PIK3R2: variants seen among roughly 807,000 people sequenced by gnomAD.
PIK3R2 encodes the protein phosphoinositide-3-kinase regulatory subunit 2, also known as phosphatidylinositol 3-kinase regulatory subunit beta.
PIK3R2 carries 40 observed loss-of-function variants against 78.5 expected under a neutral mutation model. That is an observed-to-expected ratio of 0.51 (90% CI 0.40 to 0.66). PIK3R2 has a LOEUF of 0.66. PIK3R2 is among the 30% of genes least tolerant of loss of function. The pLI is 0.00. For synonymous variants in PIK3R2, 473 were observed against 457.7 expected, an observed-to-expected ratio of 1.03 and a Z score of -0.43; for missense variants, 880 against 1,026.6, an observed-to-expected ratio of 0.86 and a Z score of 1.95.
Position 18,168,691 on chromosome 19 carries a change from ACCAGGGC to A in PIK3R2, c.1809-32_1809-26del. ...AGCCTCGGAGGCTGGCAGGTGAGTG[ACCAGGGC>A]CCTCCCCGCCACCGCCCCCCACCCC... On this transcript the variant is annotated intron_variant, in intron 14 of 15. Coordinates refer to ENST00000222254, the MANE Select transcript of PIK3R2 (RefSeq NM_005027.4). The surrounding 1 kb of genome is among the most constrained non-coding windows in gnomAD (Gnocchi z 4.1). 6.4e-7 allele frequency: 1 copy of A among 1,551,450 alleles called. No individual in the cohort carries two copies. Among genetic ancestry groups the A allele is most frequent in the Non-Finnish European group, 8.9e-7 (1 of 1,125,274 alleles).
chr19:18,154,485 G>A (rs2043657313), intron 1 of PIK3R2, among the ~76,000 whole-genome samples: 3 of 152,164 alleles, frequency 2.0e-5, no homozygotes, highest in African/African-American at 7.2e-5. Flanking sequence ...AGGTCCATTT[G>A]CTTGGACTCA....
rs1329780383 is a variant in PIK3R2 at position 18,162,447 on chromosome 19, C to T, written c.1050C>T (p.Gly350=). ...AGAAACTCCGGGACACTCCCGATGG[C>T]ACCTTCCTAGTCCGAGATGCTTCTA... ...VNEKLRDTPD[G]TFLVRDASSK... The change falls in exon 9 of 16, where the codon GGC becomes GGT. Residue 350 remains glycine (G), a synonymous_variant. Coordinates refer to ENST00000222254, the MANE Select transcript of PIK3R2 (RefSeq NM_005027.4). 6.2e-7 allele frequency: 1 copy of T among 1,613,604 alleles called. No homozygotes were observed. The highest frequency in any genetic ancestry group is 2.2e-5 in the East Asian group (1 of 44,884).
At position 18,155,540 on chromosome 19, in the gene PIK3R2, T is replaced by C. The variant is rs926020247; in HGVS notation, c.-340T>C. 8.9e-6 allele frequency: 4 copies of C among 447,714 alleles called. No homozygotes were observed. Among genetic ancestry groups the C allele is most frequent in the Admixed American group, 8.3e-5 (2 of 24,168 alleles). 27.7% of individuals were successfully genotyped at this position (447,714 alleles called of 1,614,324 possible). ...GGTGCAGCCAGCAGAGCCGCCAGCC[T>C]TGGGCGCCCATGGCCCTCCGTGTGA... On this transcript the variant is annotated 5_prime_UTR_variant, in exon 2 of 16. Transcript: ENST00000222254.
At chr19:18,160,655 C>A in intron 3 of PIK3R2, 92 bp downstream of exon 3, 3 of 1,075,482 alleles carry the variant, frequency 2.8e-6, no homozygotes, top group Non-Finnish European at 4.2e-6. Context: ...CAAGCTCATG[C>A]TGCACGGAAA....
chr19:18,166,417 A>G (rs778021610), intron 12 of PIK3R2, 115 bp downstream of exon 12: 4 of 863,670 alleles, frequency 4.6e-6, no homozygotes. Context: ...TAGTCTGTTG[A>G]AATGGACTTT....
At chr19:18,164,930 ATAAAAT>A (rs2043792652) in intron 11 of PIK3R2, among the ~76,000 whole-genome samples, 1 of 148,462 alleles carries the variant, frequency 6.7e-6, no homozygotes, top group Non-Finnish European at 1.5e-5. Context: ...AAAAAATTTA[ATAAAAT>A]TAAAAGGTAG....
rs1232006948 is a variant in PIK3R2 at position 18,160,576 on chromosome 19, C to T, written c.415+13C>T. 6.3e-7 allele frequency: 1 copy of T among 1,592,330 alleles called. No individual in the cohort carries two copies. The highest frequency in any genetic ancestry group is 2.2e-5 in the East Asian group (1 of 44,484). On this transcript the variant is annotated intron_variant, in intron 3 of 15. Transcript: ENST00000222254. ...ATTGAAAGGACAGGTAAGTTCCAGC[C>T]TGGCTGCAGCCCCTGGATTCTGCTT... is the stretch of plus-strand genomic sequence containing the variant.
rs1198538545 is a variant in PIK3R2, at chr19:18,156,295, A to G, written c.322+94A>G. On this transcript the variant is annotated intron_variant, in intron 2 of 15. Transcript: ENST00000222254. The surrounding 1 kb of genome is among the most constrained non-coding windows in gnomAD (Gnocchi z 4.2). ...AGTGAGGCAATGGGATCTCCAAGGAAGGAGGAAAAAGGACATTTGGTCATT... is the reference window on the plus strand; with the variant it reads ...AGTGAGGCAATGGGATCTCCAAGGAGGGAGGAAAAAGGACATTTGGTCATT... The G allele has an allele frequency of 3.3e-5, 32 of 963,748 alleles. No homozygotes were observed. The highest frequency in any genetic ancestry group is 4.5e-5 in the Non-Finnish European group (31 of 685,938). The allele number at this position is 963,748 out of a possible 1,614,324, so 59.7% of individuals were successfully genotyped here.
chr19:18,161,815 C>T lies in PIK3R2; in HGVS notation c.816-151C>T, dbSNP rs2043750496. On this transcript the variant is annotated intron_variant, in intron 6 of 15. Transcript: ENST00000222254. This position sits in a 1 kb window ranked among gnomAD's most constrained non-coding sequence, Gnocchi z 5.3. ...CTGCATACAGCTATGAGGGAGCTGGCCTCGCACATGTGCCTGTATCATCTC... is the reference window on the plus strand; with the variant it reads ...CTGCATACAGCTATGAGGGAGCTGGTCTCGCACATGTGCCTGTATCATCTC... The T allele has an allele frequency of 1.5e-6, 1 of 650,598 alleles. No homozygotes were observed. Among genetic ancestry groups the T allele is most frequent in the Middle Eastern group, 4.1e-4 (1 of 2,412 alleles). 40.3% of individuals were successfully genotyped at this position (650,598 alleles called of 1,614,324 possible).
chr19:18,168,980 G>T lies in PIK3R2; in HGVS notation c.1979+84G>T, dbSNP rs1025312772. The stretch of plus-strand genomic sequence containing the variant: ...CTGCCGCGTGCCAGGCCTTGGGAAG[G>T]AGTCCCTGGTGGGGTCATCCGGGAC... On this transcript the variant is annotated intron_variant, in intron 15 of 15. Coordinates refer to ENST00000222254, the MANE Select transcript of PIK3R2 (RefSeq NM_005027.4). The surrounding 1 kb of genome is among the most constrained non-coding windows in gnomAD (Gnocchi z 4.1). 3.2e-6 allele frequency: 5 copies of T among 1,559,298 alleles called. No homozygotes were observed. The East Asian group carries it at 1.2e-4, about 36-fold the overall frequency.
rs1331931446 is a variant in PIK3R2 at position 18,161,405 on chromosome 19, C to T, written c.725C>T (p.Ala242Val). ...VASRAPALGP[A>V]VRALGATFGP... ...AGCCGCGCCCCGGCCCTGGGTCCCGCGGTCCGGGCCCTGGGCGCCACCTTT... is the reference window on the plus strand; with the variant it reads ...AGCCGCGCCCCGGCCCTGGGTCCCGTGGTCCGGGCCCTGGGCGCCACCTTT... The change falls in exon 6 of 16, where the codon GCG (alanine) becomes GTG (valine). Residue 242 changes from alanine (A) to valine (V), a missense_variant. By Grantham distance (64) the Ala-to-Val change is moderately conservative. This residue lies in a region of PIK3R2 where 456 missense variants were observed against 486.6 expected (regional missense o/e 0.94). Coordinates refer to ENST00000222254, the MANE Select transcript of PIK3R2 (RefSeq NM_005027.4). This position sits in a 1 kb window ranked among gnomAD's most constrained non-coding sequence, Gnocchi z 5.3. The T allele has an allele frequency of 1.6e-6, 2 of 1,214,158 alleles. No individual in the cohort carries two copies. Among genetic ancestry groups the T allele is most frequent in the Non-Finnish European group, 2.0e-6 (2 of 978,202 alleles). 75.2% of individuals were successfully genotyped at this position (1,214,158 alleles called of 1,614,324 possible). A position where few individuals can be genotyped will look rare whatever the true frequency, so the allele number is the denominator to read the frequency against.
intron 2 of PIK3R2, among the ~76,000 whole-genome samples, chr19:18,157,363 A>G (rs1041200849): frequency 6.6e-6 from 1 of 151,960 alleles, no homozygotes; most frequent in Non-Finnish European, 1.5e-5. Context: ...GCCACCATAC[A>G]CGGCCCCACG....
intron 2 of PIK3R2, among the ~76,000 whole-genome samples, chr19:18,158,598 C>T (rs1295743024): frequency 6.6e-6 from 1 of 151,516 alleles, no homozygotes; most frequent in Non-Finnish European, 1.5e-5. Flanking sequence ...CGCCACTGCA[C>T]TCCAACCTGG....
rs573541270 is a variant in PIK3R2, at chr19:18,160,455, CT to C, written c.323-15del. The C allele has an allele frequency of 3.1e-4, 475 of 1,524,140 alleles. 2 individuals are homozygous for C. The highest frequency in any genetic ancestry group is 3.7e-4 in the Non-Finnish European group (406 of 1,098,060). 94.4% of individuals were successfully genotyped at this position (1,524,140 alleles called of 1,614,324 possible). A position where few individuals can be genotyped will look rare whatever the true frequency, so the allele number is the denominator to read the frequency against. On this transcript the variant is annotated splice_polypyrimidine_tract_variant and intron_variant, in intron 2 of 15. Coordinates refer to ENST00000222254, the MANE Select transcript of PIK3R2 (RefSeq NM_005027.4). ...GGAACCCCACCAACATGCAACCCCC[CT>C]GTTTCCCCCACCAGGCCTCACACTC...
rs1052830372 is a variant in PIK3R2, at chr19:18,170,410, C to G, written c.*1116C>G. 6.6e-6 allele frequency: 1 copy of G among 152,162 alleles called. No homozygotes were observed. The highest frequency in any genetic ancestry group is 6.5e-5 in the Admixed American group (1 of 15,278). 9.4% of individuals were successfully genotyped at this position (152,162 alleles called of 1,614,324 possible). A position where few individuals can be genotyped will look rare whatever the true frequency, so the allele number is the denominator to read the frequency against. On this transcript the variant is annotated 3_prime_UTR_variant, in exon 16 of 16. Coordinates refer to ENST00000222254, the MANE Select transcript of PIK3R2 (RefSeq NM_005027.4). Reference sequence around the variant, plus strand: ...ACTGCAAAACCCTCTTTCCTCTCCTCTTTTGGGACAAGAGCCCTGGTTTTC... The same window carrying G: ...ACTGCAAAACCCTCTTTCCTCTCCTGTTTTGGGACAAGAGCCCTGGTTTTC...
intron 1 of PIK3R2, 60 bp from the exon 2 acceptor site, chr19:18,155,397 T>A (rs1008466772): frequency 2.7e-5 from 10 of 374,236 alleles, no homozygotes; most frequent in African/African-American, 4.2e-5. Flanking sequence ...TGGGCCCATC[T>A]CCGTGTTGGG....
At chr19:18,158,871 T>G (rs1256419912) in intron 2 of PIK3R2, among the ~76,000 whole-genome samples, 1 of 152,152 alleles carries the variant, frequency 6.6e-6, no homozygotes, top group Non-Finnish European at 1.5e-5. Flanking sequence ...AGATGGAGTT[T>G]CGCTCTTGTC....
intron 11 of PIK3R2, among the ~76,000 whole-genome samples, chr19:18,165,206 A>G (rs1162190139): frequency 1.0e-5 from 1 of 97,506 alleles, no homozygotes; most frequent in African/African-American, 3.9e-5. Context: ...TGTCTCTACT[A>G]AAAATACAAA....
At chr19:18,155,003 CAGG>C (rs910750435) in intron 1 of PIK3R2, among the ~76,000 whole-genome samples, 6 of 151,728 alleles carry the variant, frequency 4.0e-5, no homozygotes, top group African/African-American at 1.5e-4. Flanking sequence ...CACTTGAGGT[CAGG>C]AGTTCAAGAC....
Sources: gnomAD v4.1 joint callset for allele counts (sites outside exome capture counted in the v4.1 genomes callset) on GRCh38, gnomAD v4.1.1 for gene constraint, gnomAD v4.1.1 regional missense constraint, Gnocchi (gnomAD v3.1) non-coding constraint, MANE v1.5 for transcripts, NCBI Gene and HGNC (gene_info 2026-07-23, HGNC 2026-07-21) for gene names.